Variants in MEGF9 observed in about 807,000 individuals in gnomAD.
MEGF9 encodes multiple EGF like domains 9, also known as multiple epidermal growth factor-like domains protein 9.
A neutral mutation model predicts 46.8 loss-of-function variants in MEGF9; 6 were observed. That is an observed-to-expected ratio of 0.13 (90% CI 0.07 to 0.25). The LOEUF (loss-of-function observed/expected upper bound fraction) is 0.25. Among genes scored for constraint, MEGF9 ranks in the 10% least tolerant of loss-of-function variants. MEGF9 has a pLI of 1.00. For synonymous variants in MEGF9, 302 were observed against 330.7 expected (o/e 0.91, Z 0.94); for missense variants, 683 against 792.4 (o/e 0.86, Z 1.66).
intron 1 of MEGF9, among the ~76,000 whole-genome samples, chr9:120,666,834 C>T (rs1185716513): frequency 1.3e-5 from 2 of 152,124 alleles, no homozygotes; most frequent in African/African-American, 4.8e-5. Flanking sequence ...AAACCACTGA[C>T]ATCCAAGAAC....
intron 1 of MEGF9, among the ~76,000 whole-genome samples, chr9:120,688,130 A>AACACACAC (rs34218836): frequency 4.5e-4 from 64 of 142,626 alleles, no homozygotes; most frequent in Admixed American, 8.5e-4. Flanking sequence ...TCCTCTCCGC[A>AACACACAC]ACACACACAC....
At chr9:120,623,810 A>G (rs1322577556) in intron 2 of MEGF9, among the ~76,000 whole-genome samples, 1 of 152,234 alleles carries the variant, frequency 6.6e-6, no homozygotes, top group Non-Finnish European at 1.5e-5. Flanking sequence ...AGAAAATTAT[A>G]AAGAACATAA....
chr9:120,701,071 A>G (rs932480688), intron 1 of MEGF9, among the ~76,000 whole-genome samples: 14 of 151,900 alleles, frequency 9.2e-5, no homozygotes, highest in African/African-American at 3.1e-4. Flanking sequence ...GTGAGCCACA[A>G]TCACGCCACT....
intron 2 of MEGF9, among the ~76,000 whole-genome samples, chr9:120,643,953 G>A (rs1046463696): frequency 3.3e-5 from 5 of 152,136 alleles, no homozygotes; most frequent in Admixed American, 1.3e-4. Context: ...GGGCTCAAGC[G>A]ATCCTCCTGC....
intron 1 of MEGF9, among the ~76,000 whole-genome samples, chr9:120,703,441 T>C (rs2043914181): frequency 6.6e-6 from 1 of 152,166 alleles, no homozygotes; most frequent in African/African-American, 2.4e-5. Flanking sequence ...TTGCCAGTCA[T>C]AAAGTAAGGT....
At position 120,695,263 on chromosome 9, in the gene MEGF9, A is replaced by G. The variant is rs559314778; in HGVS notation, c.601+18495T>C. Among the ~76,000 whole-genome samples, 5 of 152,282 alleles carry G rather than the reference A, an allele frequency of 3.3e-5. No individual in the cohort carries two copies. The South Asian group carries it at 1.0e-3, about 32-fold the overall frequency. Reference sequence around the variant, plus strand: ...GGCTACTTGAGAAAAGGTAAAGAGGAGTCAGTTACATAGACAAGTAATACT... The same window carrying G: ...GGCTACTTGAGAAAAGGTAAAGAGGGGTCAGTTACATAGACAAGTAATACT... On this transcript the variant is annotated intron_variant, in intron 1 of 5. Coordinates refer to ENST00000373930, the MANE Select transcript of MEGF9 (RefSeq NM_001080497.3).
intron 1 of MEGF9, among the ~76,000 whole-genome samples, chr9:120,681,539 C>A (rs151213807): frequency 3.6e-4 from 55 of 150,980 alleles, no homozygotes; most frequent in Admixed American, 5.9e-4. Context: ...ATGTGCATTT[C>A]TTTTTATAAT....
Position 120,618,404 on chromosome 9 carries a change from T to C in MEGF9, c.943+4212A>G, listed in dbSNP as rs188495879. Among the ~76,000 whole-genome samples, 3 of 152,340 alleles carry C rather than the reference T, an allele frequency of 2.0e-5. No homozygotes were observed. The East Asian group carries it at 5.8e-4, about 29-fold the overall frequency. ...GGTCAACTCAGTCAAGCTGCTCAGGTCAAGTTACTCATCATGGGACACTAT... is the reference window on the plus strand; with the variant it reads ...GGTCAACTCAGTCAAGCTGCTCAGGCCAAGTTACTCATCATGGGACACTAT... On this transcript the variant is annotated intron_variant, in intron 3 of 5. Transcript: ENST00000373930.
chr9:120,644,644 T>G (rs2043618036), intron 2 of MEGF9, among the ~76,000 whole-genome samples: 1 of 152,218 alleles, frequency 6.6e-6, no homozygotes, highest in Non-Finnish European at 1.5e-5. Context: ...AGCCTCAGTT[T>G]CTTCATCTGT....
At position 120,622,744 on chromosome 9, in the gene MEGF9, CA is replaced by C; in HGVS notation, c.814del (p.Cys272AlafsTer47). The C allele has an allele frequency of 6.2e-7, 1 of 1,613,388 alleles. No homozygotes were observed. The highest frequency in any genetic ancestry group is 8.5e-7 in the Non-Finnish European group (1 of 1,179,664). On this transcript the variant is annotated frameshift_variant, in exon 3 of 6. Coordinates refer to ENST00000373930, the MANE Select transcript of MEGF9 (RefSeq NM_001080497.3). LOFTEE classifies it high-confidence loss of function. ...LSIPCNSSGK[C>X]QCKVGVIGSI... ...GCCAATGACACCCACTTTGCACTGG[CA>C]TTTCCCAGAACTGCAAATAAAAGCA...
chr9:120,639,354 C>A (rs1405141316), intron 2 of MEGF9, among the ~76,000 whole-genome samples: 1 of 151,580 alleles, frequency 6.6e-6, no homozygotes, highest in East Asian at 1.9e-4. Context: ...ACTAAAAATA[C>A]CAAAATGAGC....
Position 120,713,979 on chromosome 9 carries a change from G to A in MEGF9, c.380C>T (p.Pro127Leu), listed in dbSNP as rs149898889. The A allele has an allele frequency of 0.019, 26,367 of 1,382,664 alleles. 303 individuals are homozygous for A. The highest frequency in any genetic ancestry group is 0.022 in the Non-Finnish European group (23,793 of 1,063,442). 85.6% of individuals were successfully genotyped at this position (1,382,664 alleles called of 1,614,324 possible). Residue 127 changes from proline to leucine, a missense_variant, in exon 1 of 6, where the codon CCT (proline) becomes CTT (leucine). Coordinates refer to ENST00000373930, the MANE Select transcript of MEGF9 (RefSeq NM_001080497.3). ...GGTCGAAGTGCGTTCCGCCGCCGGA[G>A]GGGTGGTCGGCGAGGGGCCGAGCGG... ...QAPLGPSPTT[P>L]PAAERTSTTS...
At chr9:120,661,916 TCTC>T (rs2043704144) in intron 1 of MEGF9, among the ~76,000 whole-genome samples, 1 of 152,132 alleles carries the variant, frequency 6.6e-6, no homozygotes, top group Non-Finnish European at 1.5e-5. Context: ...ACATCCAACT[TCTC>T]CTGCTGGACC....
At chr9:120,651,114 T>C (rs535972648) in intron 2 of MEGF9, among the ~76,000 whole-genome samples, 216 of 152,376 alleles carry the variant, frequency 1.4e-3, no homozygotes, top group African/African-American at 5.1e-3. Context: ...GATATTGCAA[T>C]TGGTATTTGT....
At chr9:120,698,538 G>A (rs114924359) in intron 1 of MEGF9, among the ~76,000 whole-genome samples, 3 of 152,138 alleles carry the variant, frequency 2.0e-5, no homozygotes, top group African/African-American at 4.8e-5. Context: ...GTGACAATAT[G>A]CAAGTCTTTC....
intron 4 of MEGF9, 46 bp downstream of exon 4, chr9:120,612,350 T>G (rs1432767665): frequency 1.2e-5 from 19 of 1,584,562 alleles, no homozygotes; most frequent in Non-Finnish European, 1.6e-5. Flanking sequence ...TATTGATAAC[T>G]GATTTTTTTT....
At chr9:120,634,634 T>C (rs1429760828) in intron 2 of MEGF9, among the ~76,000 whole-genome samples, 1 of 152,008 alleles carries the variant, frequency 6.6e-6, no homozygotes, top group Non-Finnish European at 1.5e-5. Context: ...GTGAAGACAA[T>C]TTCTTGTAGG....
rs1323151203 is a variant in MEGF9, at chr9:120,603,322, T to C, written c.*1868A>G. ...GTGCTTTGCAAACTACAAAGGGCTA[T>C]AGAAAAACTAAATAATTTTCATATA... On this transcript the variant is annotated 3_prime_UTR_variant, in exon 6 of 6. Transcript: ENST00000373930. 1.3e-5 allele frequency: 2 copies of C among 152,222 alleles called. No homozygotes were observed. Among genetic ancestry groups the C allele is most frequent in the Non-Finnish European group, 2.9e-5 (2 of 68,036 alleles). 9.4% of individuals were successfully genotyped at this position (152,222 alleles called of 1,614,324 possible).
chr9:120,683,003 G>C (rs1429448057), intron 1 of MEGF9, among the ~76,000 whole-genome samples: 1 of 152,182 alleles, frequency 6.6e-6, no homozygotes, highest in Non-Finnish European at 1.5e-5. Context: ...AGTGAGTAGA[G>C]AAAATGTACT....
Sources: gnomAD v4.1 joint callset for allele counts (sites outside exome capture counted in the v4.1 genomes callset) on GRCh38, gnomAD v4.1.1 for gene constraint, MANE v1.5 for transcripts, NCBI Gene and HGNC (gene_info 2026-07-23, HGNC 2026-07-21) for gene names.